MYO9A: variants seen among roughly 807,000 people sequenced by gnomAD.
MYO9A encodes unconventional myosin-IXa.
MYO9A carries 103 observed loss-of-function variants against 293.3 expected under a neutral mutation model. That is an observed-to-expected ratio of 0.35 (90% CI 0.30 to 0.41). The LOEUF (loss-of-function observed/expected upper bound fraction) is 0.41. MYO9A is among the 10% of genes least tolerant of loss of function. The pLI is 1.00. For missense variants in MYO9A, 2,685 were observed against 3,033.0 expected (o/e 0.89, Z 2.69); for synonymous variants, 1,001 against 1,035.7 (o/e 0.97, Z 0.64).
At chr15:72,049,224 A>G (rs1365760248) in intron 1 of MYO9A, among the ~76,000 whole-genome samples, 1 of 152,206 alleles carries the variant, frequency 6.6e-6, no homozygotes, top group Non-Finnish European at 1.5e-5. Context: ...ATATTTTTAA[A>G]AATTAAAAAT....
chr15:71,945,721 A>G (rs558435944), intron 15 of MYO9A, among the ~76,000 whole-genome samples: 1 of 83,024 alleles, frequency 1.2e-5, no homozygotes, highest in African/African-American at 3.5e-5. Context: ...ATCTATGTAC[A>G]ATTTCTTTTT....
chr15:71,977,854 G>A (rs888816334), intron 12 of MYO9A, among the ~76,000 whole-genome samples: 7 of 152,054 alleles, frequency 4.6e-5, no homozygotes, highest in African/African-American at 7.2e-5. Context: ...TGGCTAACAC[G>A]GTGAAACCCC....
intron 32 of MYO9A, among the ~76,000 whole-genome samples, chr15:71,866,356 T>C (rs1465338963): frequency 6.6e-6 from 1 of 152,096 alleles, no homozygotes; most frequent in Non-Finnish European, 1.5e-5. Context: ...CGTGCTGAGA[T>C]AAAACACTCA....
Position 71,977,906 on chromosome 15 carries a change from G to A in MYO9A, c.1844+265C>T, listed in dbSNP as rs1230103557. 2.6e-5 allele frequency among the ~76,000 whole-genome samples: 4 copies of A among 152,032 alleles called. No homozygotes were observed. In the South Asian group the frequency reaches 8.3e-4, roughly 31 times the overall value. ...CAAAAAATTAGCCAGGCATGGTGGC[G>A]GGCACCTGTAGTCCCAGCTACTTTG... On this transcript the variant is annotated intron_variant, in intron 12 of 41. Transcript: ENST00000356056.
rs570202612 is a variant in MYO9A, at chr15:71,962,551, A to C, written c.1987-2455T>G. The stretch of plus-strand genomic sequence containing the variant: ...AGTACTCAAATCCAAATAACCTCTG[A>C]CACCATAATCAGCAGCTAATAACTA... On this transcript the variant is annotated intron_variant, in intron 13 of 41. Transcript: ENST00000356056. 4.6e-5 allele frequency among the ~76,000 whole-genome samples: 7 copies of C among 152,348 alleles called. No individual in the cohort carries two copies. In the South Asian group the frequency reaches 1.4e-3, roughly 32 times the overall value.
intron 39 of MYO9A, among the ~76,000 whole-genome samples, chr15:71,844,468 CAA>C (rs998425122): frequency 3.3e-5 from 5 of 152,068 alleles, no homozygotes; most frequent in African/African-American, 9.7e-5. Context: ...CAGACTGTAA[CAA>C]AAATATTGAG....
chr15:71,967,705 T>C (rs768692733), intron 13 of MYO9A, among the ~76,000 whole-genome samples: 1 of 152,194 alleles, frequency 6.6e-6, no homozygotes, highest in South Asian at 2.1e-4. Flanking sequence ...CAAGTGAGTT[T>C]GGGATATACA....
At chr15:71,893,906 T>C in intron 25 of MYO9A, 128 bp from the exon 26 acceptor site, 1 of 729,570 alleles carries the variant, frequency 1.4e-6, no homozygotes, top group African/African-American at 1.8e-5. Context: ...AATTAAGTCA[T>C]ATTTTTTCTG....
chr15:71,864,323 A>G (rs2056250253), intron 32 of MYO9A, among the ~76,000 whole-genome samples: 1 of 152,208 alleles, frequency 6.6e-6, no homozygotes, highest in South Asian at 2.1e-4. Context: ...AAAAAAGGTA[A>G]ACAATAGCAA....
At chr15:72,064,644 G>A (rs184158824) in intron 1 of MYO9A, among the ~76,000 whole-genome samples, 1 of 152,214 alleles carries the variant, frequency 6.6e-6, no homozygotes, top group Admixed American at 6.5e-5. Flanking sequence ...TTGTTTCTCA[G>A]TTAAAATGAA....
intron 32 of MYO9A, among the ~76,000 whole-genome samples, chr15:71,873,700 T>C (rs1445435439): frequency 2.6e-5 from 4 of 152,240 alleles, no homozygotes; most frequent in Non-Finnish European, 5.9e-5. Context: ...TATTTGTGTA[T>C]TTCTAGACAT....
chr15:71,827,159 G>A (rs1049773398), intron 41 of MYO9A, 116 bp from the exon 42 acceptor site: 20 of 765,822 alleles, frequency 2.6e-5, no homozygotes, highest in Non-Finnish European at 4.1e-5. Flanking sequence ...GATTCAGAGG[G>A]TCCAGGATGA....
At chr15:71,960,607 T>C (rs1012016221) in intron 13 of MYO9A, among the ~76,000 whole-genome samples, 2 of 152,196 alleles carry the variant, frequency 1.3e-5, no homozygotes, top group African/African-American at 2.4e-5. Context: ...TGAACAGTGG[T>C]TGAACAATGA....
intron 39 of MYO9A, among the ~76,000 whole-genome samples, chr15:71,840,130 A>ATATT (rs541663009): frequency 1.3e-3 from 195 of 152,360 alleles, no homozygotes; most frequent in Non-Finnish European, 2.3e-3. Flanking sequence ...AGGAAGTCAT[A>ATATT]TATTTCCAAT....
chr15:71,988,393 T>C (rs1293699226), intron 11 of MYO9A, among the ~76,000 whole-genome samples: 1 of 152,176 alleles, frequency 6.6e-6, no homozygotes, highest in Non-Finnish European at 1.5e-5. Context: ...AAAACTAGAA[T>C]AAAAACAGTA....
chr15:72,037,484 C>T (rs2078090205), intron 2 of MYO9A, among the ~76,000 whole-genome samples: 1 of 152,008 alleles, frequency 6.6e-6, no homozygotes, highest in African/African-American at 2.4e-5. Flanking sequence ...AAAGGTAAGG[C>T]AGAGTTGACA....
chr15:72,051,113 G>A (rs1028607545), intron 1 of MYO9A, among the ~76,000 whole-genome samples: 5 of 152,154 alleles, frequency 3.3e-5, no homozygotes, highest in Admixed American at 6.5e-5. Flanking sequence ...CATGCAGGCT[G>A]GAGTACAATG....
intron 1 of MYO9A, among the ~76,000 whole-genome samples, chr15:72,117,355 G>A (rs1359729933): frequency 6.6e-6 from 1 of 152,198 alleles, no homozygotes; most frequent in Non-Finnish European, 1.5e-5. Context: ...GCCCAAGGGA[G>A]GATGTAACGT....
Position 72,099,438 on chromosome 15 carries a change from A to G in MYO9A, c.-72+18242T>C, listed in dbSNP as rs1248098690. On this transcript the variant is annotated intron_variant, in intron 1 of 41. Coordinates refer to ENST00000356056, the MANE Select transcript of MYO9A (RefSeq NM_006901.4). ...ACCCTGCCCCAAAAAAAAAAAAAAA[A>G]AAAAGAAAAAAAAATTAGCCAGGTC... Among the ~76,000 whole-genome samples, 136 of 150,250 alleles carry G rather than the reference A, an allele frequency of 9.1e-4. 2 individuals are homozygous for G. The highest frequency in any genetic ancestry group is 2.8e-3 in the African/African-American group (116 of 41,094).
Sources: allele counts gnomAD v4.1 joint callset (sites outside exome capture counted in the v4.1 genomes callset), GRCh38; gene constraint gnomAD v4.1.1; transcripts MANE v1.5; gene names NCBI Gene and HGNC (gene_info 2026-07-23, HGNC 2026-07-21).